The following KCNIP1 variants were observed in gnomAD, a reference collection of about 807,000 sequenced individuals.
The protein encoded by KCNIP1 is potassium voltage-gated channel interacting protein 1, also known as A-type potassium channel modulatory protein KCNIP1.
KCNIP1 carries 18 observed loss-of-function variants against 33.0 expected under a neutral mutation model. The observed-to-expected ratio is 0.55, with a 90% confidence interval of 0.38 to 0.81. KCNIP1 has a LOEUF of 0.81. Ranked by LOEUF, KCNIP1 falls within the 30% of genes least tolerant of loss-of-function variation. The pLI, the probability that KCNIP1 is intolerant of heterozygous loss-of-function variation, is 0.00. For synonymous variants in KCNIP1, 93 were observed against 98.3 expected, an observed-to-expected ratio of 0.95 and a Z score of 0.32; for missense variants, 238 against 271.6, an observed-to-expected ratio of 0.88 and a Z score of 0.87.
chr5:170,675,182 C>G (rs1762083157), intron 1 of KCNIP1, among the ~76,000 whole-genome samples: 1 of 151,924 alleles, frequency 6.6e-6, no homozygotes, highest in Non-Finnish European at 1.5e-5. Context: ...ACCTGTAATT[C>G]CAGCTACTTG....
At chr5:170,691,781 G>A (rs557337236) in intron 1 of KCNIP1, among the ~76,000 whole-genome samples, 20 of 152,132 alleles carry the variant, frequency 1.3e-4, no homozygotes, top group South Asian at 4.2e-4. Context: ...TCCCCTGAGC[G>A]TTCCTCCTCA....
rs955206737 is a variant in KCNIP1 at position 170,494,190 on chromosome 5, G to A, written c.88+140226G>A. ...ACCCTGCTCAATGCTCATCTGCATA[G>A]TGTCCTCCATCCAGAGCAGCCCTGA... On this transcript the variant is annotated intron_variant, in intron 1 of 7. Coordinates refer to the KCNIP1 transcript ENST00000377360. 2.9e-4 allele frequency among the ~76,000 whole-genome samples: 44 copies of A among 152,312 alleles called. 1 individual carries two copies. Among genetic ancestry groups the A allele is most frequent in the African/African-American group, 9.9e-4 (41 of 41,570 alleles).
At chr5:170,656,992 C>CTTTTTTTTT (rs11397076) in intron 1 of KCNIP1, among the ~76,000 whole-genome samples, 2 of 116,438 alleles carry the variant, frequency 1.7e-5, no homozygotes, top group Non-Finnish European at 1.7e-5. Flanking sequence ...TTTTTTCTTT[C>CTTTTTTTTT]TTTCTTTTTT....
At chr5:170,513,210 T>C (rs1643477625) in intron 1 of KCNIP1, among the ~76,000 whole-genome samples, 1 of 152,212 alleles carries the variant, frequency 6.6e-6, no homozygotes, top group Non-Finnish European at 1.5e-5. Context: ...AAATTATATA[T>C]CAAGCCAGAA....
Position 170,412,582 on chromosome 5 carries a change from C to G in KCNIP1, c.88+58618C>G, listed in dbSNP as rs545392688. On this transcript the variant is annotated intron_variant, in intron 1 of 7. Transcript: ENST00000377360. Reference sequence around the variant, plus strand: ...GGAGATTTGCCCCAAGATCGTGGAACAAGTGTGAAGAAACAAAAACAAACA... The same window carrying G: ...GGAGATTTGCCCCAAGATCGTGGAAGAAGTGTGAAGAAACAAAAACAAACA... 2.6e-5 allele frequency among the ~76,000 whole-genome samples: 4 copies of G among 152,248 alleles called. No individual in the cohort carries two copies. The South Asian group carries it at 8.3e-4, about 32-fold the overall frequency.
intron 1 of KCNIP1, among the ~76,000 whole-genome samples, chr5:170,527,069 C>T (rs889550011): frequency 6.6e-6 from 1 of 152,086 alleles, no homozygotes; most frequent in African/African-American, 2.4e-5. Flanking sequence ...ACAGGCATCA[C>T]CTTCTCTGGG....
At chr5:170,519,833 G>A (rs1353091944) in intron 1 of KCNIP1, among the ~76,000 whole-genome samples, 1 of 152,134 alleles carries the variant, frequency 6.6e-6, no homozygotes, top group Non-Finnish European at 1.5e-5. Context: ...CAAGCCCTCC[G>A]CAGAGGGAGA....
In KCNIP1 at chr5:170,722,757, C is replaced by T. The variant is rs376406374; in HGVS notation, c.372C>T (p.His124=). The stretch of plus-strand genomic sequence containing the variant: ...CGATTTTATTGAGAGGAACTGTCCA[C>T]GAGAAACTAAGGTGGACATTTAATT... ...ALSILLRGTV[H]EKLRWTFNLY... The change falls in exon 5 of 8, where the codon CAC becomes CAT. Residue 124 remains histidine, a synonymous_variant. Transcript: ENST00000328939. 9.3e-6 allele frequency: 15 copies of T among 1,613,794 alleles called. No individual in the cohort carries two copies. Among genetic ancestry groups the T allele is most frequent in the African/African-American group, 2.7e-5 (2 of 74,986 alleles).
chr5:170,641,813 A>G (rs1301081397), intron 1 of KCNIP1, among the ~76,000 whole-genome samples: 1 of 152,174 alleles, frequency 6.6e-6, no homozygotes, highest in East Asian at 1.9e-4. Context: ...CGAATGGCTG[A>G]GACCTACTGG....
At chr5:170,469,419 A>G (rs931911613) in intron 1 of KCNIP1, among the ~76,000 whole-genome samples, 1 of 152,214 alleles carries the variant, frequency 6.6e-6, no homozygotes, top group African/African-American at 2.4e-5. Flanking sequence ...ACAAAAAACA[A>G]TATATCTTAA....
intron 1 of KCNIP1, among the ~76,000 whole-genome samples, chr5:170,667,412 G>A (rs962552423): frequency 6.6e-6 from 1 of 152,240 alleles, no homozygotes; most frequent in African/African-American, 2.4e-5. Flanking sequence ...GGCATAGTGT[G>A]GCAGGCAGGC....
At chr5:170,363,792 A>G (rs1447695499) in intron 1 of KCNIP1, among the ~76,000 whole-genome samples, 1 of 152,158 alleles carries the variant, frequency 6.6e-6, no homozygotes, top group Non-Finnish European at 1.5e-5. Flanking sequence ...TGCAACCATC[A>G]CCACCAACCA....
At chr5:170,543,065 G>T (rs1756271831) in intron 1 of KCNIP1, among the ~76,000 whole-genome samples, 1 of 152,140 alleles carries the variant, frequency 6.6e-6, no homozygotes, top group Non-Finnish European at 1.5e-5. Flanking sequence ...GCTCTGTTAG[G>T]CCTCTTTTGT....
intron 1 of KCNIP1, among the ~76,000 whole-genome samples, chr5:170,560,187 T>A (rs1756986503): frequency 6.6e-6 from 1 of 152,136 alleles, no homozygotes; most frequent in Admixed American, 6.5e-5. Flanking sequence ...GCCTACCACC[T>A]GTCTTCCAGC....
intron 1 of KCNIP1, among the ~76,000 whole-genome samples, chr5:170,521,303 A>C (rs1043458051): frequency 2.6e-5 from 4 of 152,208 alleles, no homozygotes; most frequent in South Asian, 2.1e-4. Context: ...CATAGTTGAC[A>C]TGGAAGATAG....
intron 1 of KCNIP1, among the ~76,000 whole-genome samples, chr5:170,634,809 T>C (rs1760222373): frequency 1.3e-5 from 2 of 152,218 alleles, no homozygotes; most frequent in African/African-American, 2.4e-5. Context: ...TTTGTTTATA[T>C]GTAAGAGGAG....
At chr5:170,599,529 G>A (rs748182820) in intron 1 of KCNIP1, among the ~76,000 whole-genome samples, 1 of 152,148 alleles carries the variant, frequency 6.6e-6, no homozygotes, top group Non-Finnish European at 1.5e-5. Flanking sequence ...AGCCTTTCTG[G>A]TGGAGGAGAA....
intron 1 of KCNIP1, among the ~76,000 whole-genome samples, chr5:170,658,438 T>C (rs763919662): frequency 9.2e-5 from 14 of 152,204 alleles, no homozygotes; most frequent in Non-Finnish European, 1.6e-4. Flanking sequence ...ACAAATTTAT[T>C]AACCTCTTAA....
chr5:170,504,545 C>T lies in KCNIP1; in HGVS notation c.-28C>T. On this transcript the variant is annotated 5_prime_UTR_variant, in exon 1 of 8. Coordinates refer to ENST00000328939, the MANE Select transcript of KCNIP1 (RefSeq NM_014592.4). This position sits in a 1 kb window ranked among gnomAD's most constrained non-coding sequence, Gnocchi z 6.0. Reference sequence around the variant, plus strand: ...GTAGGGGAGGGGCCGGGCCCGGGGTCCCAACTCGCACTCAAGTCTTCGCTG... The same window carrying T: ...GTAGGGGAGGGGCCGGGCCCGGGGTTCCAACTCGCACTCAAGTCTTCGCTG... 1 of 1,612,380 alleles carries T rather than the reference C, an allele frequency of 6.2e-7. No homozygotes were observed. Among genetic ancestry groups the T allele is most frequent in the Non-Finnish European group, 8.5e-7 (1 of 1,179,958 alleles).
Sources: allele counts gnomAD v4.1 joint callset (sites outside exome capture counted in the v4.1 genomes callset), GRCh38; gene constraint gnomAD v4.1.1; non-coding constraint Gnocchi (gnomAD v3.1); transcripts MANE v1.5; gene names NCBI Gene and HGNC (gene_info 2026-07-23, HGNC 2026-07-21).